The following CACNA2D4 variants were observed in gnomAD, a reference collection of about 807,000 sequenced individuals.
CACNA2D4 encodes voltage-dependent calcium channel subunit alpha-2/delta-4.
In CACNA2D4, 157 loss-of-function variants were observed where a neutral mutation model predicts 163.8. The ratio of observed to expected loss-of-function variants is 0.96; its 90% CI spans 0.84 to 1.09. The LOEUF is 1.09. Ranked by LOEUF, CACNA2D4 falls within the 50% of genes least tolerant of loss-of-function variation. The pLI, the probability that CACNA2D4 is intolerant of heterozygous loss-of-function variation, is 0.00. For synonymous variants in CACNA2D4, 598 were observed against 586.9 expected, an observed-to-expected ratio of 1.02 and a Z score of -0.27; for missense variants, 1,410 against 1,479.9, an observed-to-expected ratio of 0.95 and a Z score of 0.78.
chr12:1,879,469 C>A (rs951641629), intron 14 of CACNA2D4, among the ~76,000 whole-genome samples: 2 of 152,172 alleles, frequency 1.3e-5, no homozygotes, highest in Non-Finnish European at 2.9e-5. Context: ...TTAGAGTCTG[C>A]ACAACCTGGC....
chr12:1,893,034 T>TCTGTCTAAAGTTGGACAG (rs1866323584), intron 6 of CACNA2D4, among the ~76,000 whole-genome samples: 1 of 152,160 alleles, frequency 6.6e-6, no homozygotes, highest in Admixed American at 6.5e-5. Flanking sequence ...CAGACTCCAA[T>TCTGTCTAAAGTTGGACAG]ACAATAATAG....
intron 6 of CACNA2D4, among the ~76,000 whole-genome samples, chr12:1,894,477 C>T (rs999116882): frequency 2.0e-5 from 3 of 152,004 alleles, no homozygotes; most frequent in Admixed American, 6.6e-5. Context: ...ACCATAGATG[C>T]AAAAAATCTT....
rs1317668107 is a variant in CACNA2D4, at chr12:1,883,275, A to C, written c.1352-275T>G. Among the ~76,000 whole-genome samples, 1 of 152,164 alleles carries C rather than the reference A, an allele frequency of 6.6e-6. No homozygotes were observed. The highest frequency in any genetic ancestry group is 1.5e-5 in the Non-Finnish European group (1 of 68,022). Reference sequence around the variant, plus strand: ...GGAAGGAGCAGCAGGGCCTGACGCAAGAGTGTTGGGGGTCAGCCTCTCCCT... The same window carrying C: ...GGAAGGAGCAGCAGGGCCTGACGCACGAGTGTTGGGGGTCAGCCTCTCCCT... On this transcript the variant is annotated intron_variant, in intron 12 of 37. Transcript: ENST00000382722. The surrounding 1 kb of genome is among the most constrained non-coding windows in gnomAD (Gnocchi z 4.5).
At position 1,856,245 on chromosome 12, in the gene CACNA2D4, A is replaced by G; in HGVS notation, c.2009-16T>C. 5 of 1,613,914 alleles carry G rather than the reference A, an allele frequency of 3.1e-6. No individual in the cohort carries two copies. The highest frequency in any genetic ancestry group is 4.2e-6 in the Non-Finnish European group (5 of 1,179,806). ...TCATGCAGGCCTGAAACCAGAGTCC[A>G]CATTCAGGGTGATGCTCCCTCACTG... On this transcript the variant is annotated splice_polypyrimidine_tract_variant and intron_variant, in intron 20 of 37. Coordinates refer to ENST00000382722, the MANE Select transcript of CACNA2D4 (RefSeq NM_172364.5).
chr12:1,858,629 C>A lies in CACNA2D4; in HGVS notation c.1956G>T (p.Leu652=), dbSNP rs372668864. 1 of 1,608,068 alleles carries A rather than the reference C, an allele frequency of 6.2e-7. No homozygotes were observed. Among genetic ancestry groups the A allele is most frequent in the Non-Finnish European group, 8.5e-7 (1 of 1,176,756 alleles). Residue 652 remains leucine (L), a synonymous_variant, in exon 20 of 38, where the codon CTG becomes CTT. Coordinates refer to ENST00000382722, the MANE Select transcript of CACNA2D4 (RefSeq NM_172364.5). ...GGATGTATTCTCCGTGGCCCCGGGA[C>A]AGCACCACCCCCAAACTGTGGGGAG... ...SDTPFSLGVV[L]SRGHGEYILL...
rs752857259 is a variant in CACNA2D4, at chr12:1,797,464, C to T, written c.3067G>A (p.Ala1023Thr). 6.3e-6 allele frequency: 10 copies of T among 1,583,928 alleles called. No individual in the cohort carries two copies. The Admixed American group carries it at 1.8e-4, about 28-fold the overall frequency. The change falls in exon 35 of 38, where the codon GCC becomes ACC. Residue 1023 changes from alanine (A) to threonine (T), a missense_variant. Ala to Thr is a moderately conservative substitution (Grantham distance 58). Transcript: ENST00000382722. ...TEYPVFVYQP[A>T]IREANGIVEC... ...ACGATCCCGTTGGCCTCCCGGATGG[C>T]CGGCTGGTACACGAACACGGGGTAC... is the stretch of plus-strand genomic sequence containing the variant.
Position 1,797,432 on chromosome 12 carries a change from G to GC in CACNA2D4, c.3098dup (p.Cys1033TrpfsTer17), listed in dbSNP as rs1565668088. ...TGCGGTCTTACTTCTGGCAGGGCCC[G>GC]CACTCCACGATCCCGTTGGCCTCCC... On this transcript the variant is annotated frameshift_variant, in exon 35 of 38. Coordinates refer to ENST00000382722, the MANE Select transcript of CACNA2D4 (RefSeq NM_172364.5). LOFTEE classifies it high-confidence loss of function. 1 of 1,551,670 alleles carries GC rather than the reference G, an allele frequency of 6.4e-7. No homozygotes were observed. The highest frequency in any genetic ancestry group is 2.4e-5 in the East Asian group (1 of 41,784).
chr12:1,846,773 C>T, intron 23 of CACNA2D4, 84 bp from the exon 24 acceptor site: 2 of 1,115,826 alleles, frequency 1.8e-6, no homozygotes, highest in East Asian at 2.6e-5. Context: ...GGGGGCCTCT[C>T]CTTGCTCCTG....
intron 26 of CACNA2D4, among the ~76,000 whole-genome samples, chr12:1,822,341 G>T (rs1310589560): frequency 2.2e-4 from 34 of 152,116 alleles, no homozygotes. Flanking sequence ...GGGGTGTCTG[G>T]GAGTTCTGGG....
chr12:1,831,352 G>C (rs770137250), intron 26 of CACNA2D4: 1 of 1,613,874 alleles, frequency 6.2e-7, no homozygotes, highest in South Asian at 1.1e-5. Context: ...CTTTTCGACG[G>C]GCTCCTGGCT....
rs376073275 is a variant in CACNA2D4, at chr12:1,826,051, GC to G, written c.2552-14329del. On this transcript the variant is annotated intron_variant, in intron 26 of 37. Transcript: ENST00000382722. ...GGGCAGAAATACATAGACTCCACAGGCCCGGGGTGCTCAGGAATGAGAAACA... is the reference window on the plus strand; with the variant it reads ...GGGCAGAAATACATAGACTCCACAGGCCGGGGTGCTCAGGAATGAGAAACA... Among the ~76,000 whole-genome samples the G allele has an allele frequency of 4.7e-4, 71 of 152,300 alleles. No individual in the cohort carries two copies. In the East Asian group the frequency reaches 9.5e-3, roughly 20 times the overall value.
intron 22 of CACNA2D4, among the ~76,000 whole-genome samples, chr12:1,855,437 C>T (rs1441904663): frequency 1.3e-5 from 2 of 152,138 alleles, no homozygotes; most frequent in African/African-American, 2.4e-5. Flanking sequence ...GCTCACCACT[C>T]GCATTAGTGC....
intron 29 of CACNA2D4, among the ~76,000 whole-genome samples, chr12:1,807,246 C>T (rs958956675): frequency 1.1e-4 from 17 of 151,704 alleles, no homozygotes; most frequent in Non-Finnish European, 1.9e-4. Context: ...AGGAGGCCTC[C>T]GCCTCACAGC....
At position 1,846,696 on chromosome 12, in the gene CACNA2D4, G is replaced by A. The variant is rs779570518; in HGVS notation, c.2247-7C>T. 4 of 1,587,700 alleles carry A rather than the reference G, an allele frequency of 2.5e-6. No homozygotes were observed. The highest frequency in any genetic ancestry group is 1.7e-5 in the Admixed American group (1 of 57,350). ...CACCACGTGTTCAGACTCCCTGTGTGGCAGACAGAGCGGGAATGGTCACCA... is the reference window on the plus strand; with the variant it reads ...CACCACGTGTTCAGACTCCCTGTGTAGCAGACAGAGCGGGAATGGTCACCA... On this transcript the variant is annotated splice_polypyrimidine_tract_variant and splice_region_variant and intron_variant, in intron 23 of 37. Transcript: ENST00000382722.
intron 25 of CACNA2D4, among the ~76,000 whole-genome samples, chr12:1,841,819 C>G (rs1199814340): frequency 2.0e-5 from 3 of 152,194 alleles, no homozygotes; most frequent in African/African-American, 7.2e-5. Flanking sequence ...GCCACGTCAC[C>G]AAGATTACCC....
chr12:1,874,591 T>C lies in CACNA2D4; in HGVS notation c.1878+13A>G. 1 of 1,597,378 alleles carries C rather than the reference T, an allele frequency of 6.3e-7. No homozygotes were observed. On this transcript the variant is annotated intron_variant, in intron 18 of 37. Coordinates refer to ENST00000382722, the MANE Select transcript of CACNA2D4 (RefSeq NM_172364.5). This position sits in a 1 kb window ranked among gnomAD's most constrained non-coding sequence, Gnocchi z 4.4. ...CTTCCTAGGCCATGCCCTGGCTGTT[T>C]CTAGCTCCTTACCCCTTTATCCATC...
At chr12:1,904,840 A>G (rs10848591) in intron 6 of CACNA2D4, among the ~76,000 whole-genome samples, 23,045 of 152,100 alleles carry the variant, frequency 0.15, 2,008 homozygotes, top group African/African-American at 0.24. Context: ...AATGATGGAC[A>G]AAAAAGCTTA....
chr12:1,806,958 G>C lies in CACNA2D4; in HGVS notation c.2721+3320C>G, dbSNP rs762021158. Reference sequence around the variant, plus strand: ...TGGGGAAGAGGGGCAGGTTTGGGTCGGTTGGTGGGAGTTGGTGGTGGGCAG... The same window carrying C: ...TGGGGAAGAGGGGCAGGTTTGGGTCCGTTGGTGGGAGTTGGTGGTGGGCAG... On this transcript the variant is annotated intron_variant, in intron 29 of 37. Transcript: ENST00000382722. This position sits in a 1 kb window ranked among gnomAD's most constrained non-coding sequence, Gnocchi z 4.1. Among the ~76,000 whole-genome samples the C allele has an allele frequency of 6.6e-6, 1 of 152,094 alleles. No individual in the cohort carries two copies. The highest frequency in any genetic ancestry group is 1.5e-5 in the Non-Finnish European group (1 of 68,026).
Position 1,792,257 on chromosome 12 carries a change from C to T in CACNA2D4, c.*1398G>A, listed in dbSNP as rs766211170. The T allele has an allele frequency of 1.3e-5, 2 of 152,178 alleles. No individual in the cohort carries two copies. Among genetic ancestry groups the T allele is most frequent in the African/African-American group, 2.4e-5 (1 of 41,434 alleles). 9.4% of individuals were successfully genotyped at this position (152,178 alleles called of 1,614,324 possible). A position where few individuals can be genotyped will look rare whatever the true frequency, so the allele number is the denominator to read the frequency against. On this transcript the variant is annotated 3_prime_UTR_variant, in exon 38 of 38. Coordinates refer to ENST00000382722, the MANE Select transcript of CACNA2D4 (RefSeq NM_172364.5). ...TGCAGTGTCTTCTGCTGTAAGGGGG[C>T]ATTAATACTGCCCTCACAGGGTTGT...
Sources: gnomAD v4.1 joint callset for allele counts (sites outside exome capture counted in the v4.1 genomes callset) on GRCh38, gnomAD v4.1.1 for gene constraint, Gnocchi (gnomAD v3.1) non-coding constraint, MANE v1.5 for transcripts, NCBI Gene and HGNC (gene_info 2026-07-23, HGNC 2026-07-21) for gene names.